The following MLIP variants were observed in gnomAD, a reference collection of about 807,000 sequenced individuals.
MLIP encodes the protein muscular LMNA-interacting protein.
Under a neutral mutation model 84.8 loss-of-function variants are expected in MLIP, and 79 were observed. The observed-to-expected ratio is 0.93, with a 90% confidence interval of 0.78 to 1.12. The LOEUF is 1.12. MLIP is among the 50% of genes most tolerant of loss of function. The pLI is 0.00. For synonymous variants in MLIP, 504 were observed against 463.0 expected, an observed-to-expected ratio of 1.09 and a Z score of -1.14; for missense variants, 1,257 against 1,160.6, an observed-to-expected ratio of 1.08 and a Z score of -1.21.
At chr6:54,197,797 A>G (rs1260740158) in intron 10 of MLIP, among the ~76,000 whole-genome samples, 4 of 152,130 alleles carry the variant, frequency 2.6e-5, no homozygotes, top group Non-Finnish European at 5.9e-5. Context: ...CTGAACAATG[A>G]CAATCTTACA....
intron 12 of MLIP, among the ~76,000 whole-genome samples, chr6:54,247,672 A>G (rs1782178735): frequency 6.6e-6 from 1 of 152,138 alleles, no homozygotes; most frequent in African/African-American, 2.4e-5. Context: ...CAATGCCAGG[A>G]AGATGGGTCT....
intron 9 of MLIP, among the ~76,000 whole-genome samples, chr6:54,173,261 A>T (rs1443747884): frequency 6.6e-6 from 1 of 151,758 alleles, no homozygotes; most frequent in East Asian, 1.9e-4. Flanking sequence ...CTGCCATTTG[A>T]TACTTCTACA....
chr6:54,169,610 TG>T, intron 9 of MLIP, 38 bp downstream of exon 9: 1 of 1,415,946 alleles, frequency 7.1e-7, no homozygotes, highest in Non-Finnish European at 9.7e-7. Context: ...GCTTTTCAAA[TG>T]GGTGCCTGTG....
intron 5 of MLIP, among the ~76,000 whole-genome samples, chr6:54,152,932 A>AT (rs1181938067): frequency 6.6e-6 from 1 of 152,080 alleles, no homozygotes; most frequent in Non-Finnish European, 1.5e-5. Context: ...AATGATTAAT[A>AT]TTTTTCCATG....
rs138838843 is a variant in MLIP at position 54,154,964 on chromosome 6, T to C, written c.2290-5403T>C. 3.9e-5 allele frequency among the ~76,000 whole-genome samples: 6 copies of C among 152,118 alleles called. No homozygotes were observed. In the East Asian group the frequency reaches 9.7e-4, roughly 25 times the overall value. ...CAAAAAAGTATAGATTCCCCTACCA[T>C]TGAGCTTTGCTGGAATGGGTTTGAA... On this transcript the variant is annotated intron_variant, in intron 5 of 13. Transcript: ENST00000502396.
chr6:54,108,669 CAG>C (rs1373313724), upstream of MLIP, among the ~76,000 whole-genome samples: 1 of 152,100 alleles, frequency 6.6e-6, no homozygotes, highest in African/African-American at 2.4e-5. Flanking sequence ...CAATAAGACA[CAG>C]AGAAAAATGT....
Position 54,202,152 on chromosome 6 carries a change from A to G in MLIP, c.2637A>G (p.Leu879=), listed in dbSNP as rs768105571. The change falls in exon 11 of 14, where the codon TTA becomes TTG. Residue 879 remains leucine (L), a synonymous_variant. Transcript: ENST00000502396. ...CAGTACCTGTAAAATCCAGAATATT[A>G]CTGAAAAAAGAGGAGGAAGTCTATG... ...IRPVPVKSRI[L]LKKEEEVYEP... 3.7e-6 allele frequency: 6 copies of G among 1,603,888 alleles called. No individual in the cohort carries two copies. In the East Asian group the frequency reaches 1.1e-4, roughly 30 times the overall value.
chr6:54,256,926 G>T (rs1470200599), intron 12 of MLIP, among the ~76,000 whole-genome samples: 1 of 152,108 alleles, frequency 6.6e-6, no homozygotes, highest in Non-Finnish European at 1.5e-5. Context: ...GAGCTTTTCA[G>T]TTAGAGGCCT....
Position 54,230,910 on chromosome 6 carries a change from G to C in MLIP, c.2915G>C (p.Cys972Ser). 6.2e-7 allele frequency: 1 copy of C among 1,613,864 alleles called. No individual in the cohort carries two copies. Among genetic ancestry groups the C allele is most frequent in the Middle Eastern group, 1.7e-4 (1 of 6,058 alleles). The change falls in exon 12 of 14, where the codon TGC becomes TCC. Residue 972 changes from cysteine to serine, a missense_variant. Coordinates refer to ENST00000502396, the MANE Select transcript of MLIP (RefSeq NM_001281747.2). ...CACACCCTCCTCAGTCACAACGCATGCAACAAGGTGAGAACTCCTCCCCAA... is the reference window on the plus strand; with the variant it reads ...CACACCCTCCTCAGTCACAACGCATCCAACAAGGTGAGAACTCCTCCCCAA... Reference protein sequence around the residue: ...NSHTLLSHNACNKLSHPMVAI... With the variant: ...NSHTLLSHNASNKLSHPMVAI...
intron 1 of MLIP, chr6:54,057,858 T>C (rs1472483835): frequency 6.6e-6 from 1 of 152,218 alleles, no homozygotes; most frequent in Non-Finnish European, 1.5e-5. Flanking sequence ...AAGAGACCTT[T>C]ACAAACTGTT....
At chr6:54,045,009 C>G (rs995462422) in intron 1 of MLIP, among the ~76,000 whole-genome samples, 1 of 151,990 alleles carries the variant, frequency 6.6e-6, no homozygotes, top group Non-Finnish European at 1.5e-5. Flanking sequence ...TAATTTAAAA[C>G]TTGGCTTCAA....
At chr6:54,115,637 G>A (rs9349694) in intron 1 of MLIP, among the ~76,000 whole-genome samples, 10 of 152,218 alleles carry the variant, frequency 6.6e-5, no homozygotes, top group Admixed American at 5.2e-4. Context: ...GTTAAGAAGC[G>A]TGGCATTGAA....
At chr6:54,190,897 G>A (rs531073310) in intron 10 of MLIP, among the ~76,000 whole-genome samples, 1 of 150,936 alleles carries the variant, frequency 6.6e-6, no homozygotes, top group South Asian at 2.1e-4. Context: ...CCGGGTTCAC[G>A]CCATTCTCCT....
chr6:54,095,884 C>T lies in MLIP; in HGVS notation c.64-25563C>T, dbSNP rs9370262. On this transcript the variant is annotated intron_variant, in intron 1 of 12. Coordinates refer to the MLIP transcript ENST00000274897. ...GTTTTCTTCCTTGGAAGATTTTCCC[C>T]GAGAGCACGGTGTTCCTCATAATAA... 6.2e-4 allele frequency among the ~76,000 whole-genome samples: 95 copies of T among 152,170 alleles called. No homozygotes were observed. In the East Asian group the frequency reaches 7.9e-3, roughly 13 times the overall value.
chr6:54,236,700 G>A (rs948030730), intron 12 of MLIP, among the ~76,000 whole-genome samples: 5 of 152,112 alleles, frequency 3.3e-5, no homozygotes, highest in African/African-American at 1.2e-4. Flanking sequence ...GTTTAAAATG[G>A]CCCCTAAGCA....
chr6:54,125,171 T>C (rs1770814083), intron 3 of MLIP, among the ~76,000 whole-genome samples: 1 of 152,168 alleles, frequency 6.6e-6, no homozygotes, highest in Non-Finnish European at 1.5e-5. Flanking sequence ...AGAAGGTTGA[T>C]ATGAGGAGTT....
chr6:54,076,451 A>G (rs912167939), intron 1 of MLIP, among the ~76,000 whole-genome samples: 1 of 152,104 alleles, frequency 6.6e-6, no homozygotes, highest in Admixed American at 6.6e-5. Context: ...ATTGCAAAAG[A>G]CTCTGGACCT....
At position 54,072,107 on chromosome 6, in the gene MLIP, T is replaced by G. The variant is rs544804851; in HGVS notation, c.64-49340T>G. Among the ~76,000 whole-genome samples the G allele has an allele frequency of 3.9e-5, 6 of 152,276 alleles. No homozygotes were observed. The South Asian group carries it at 1.2e-3, about 32-fold the overall frequency. ...TGATGAAACTACTAACGCCAGCTGA[T>G]TCCAGTGACCCCCCACTGATACCAG... is the stretch of plus-strand genomic sequence containing the variant. On this transcript the variant is annotated intron_variant, in intron 1 of 12. Coordinates refer to the MLIP transcript ENST00000274897.
chr6:54,044,862 C>T (rs1043874450), intron 1 of MLIP, among the ~76,000 whole-genome samples: 14 of 152,146 alleles, frequency 9.2e-5, no homozygotes, highest in African/African-American at 3.1e-4. Context: ...TTTTCTCTAG[C>T]ACTGATGAAA....
Sources: allele counts gnomAD v4.1 joint callset (sites outside exome capture counted in the v4.1 genomes callset), GRCh38; gene constraint gnomAD v4.1.1; transcripts MANE v1.5; gene names NCBI Gene and HGNC (gene_info 2026-07-23, HGNC 2026-07-21).